Variants in ASGR2 observed in about 807,000 individuals in gnomAD.
The protein encoded by ASGR2 is asialoglycoprotein receptor 2, also known as C-type lectin domain family 4 member H2.
A neutral mutation model predicts 32.3 loss-of-function variants in ASGR2; 34 were observed. The ratio of observed to expected loss-of-function variants is 1.05; its 90% confidence interval spans 0.80 to 1.40. ASGR2 has a LOEUF of 1.40. ASGR2 is among the 40% of genes most tolerant of loss of function. ASGR2 has a pLI of 0.00. For missense variants in ASGR2, 385 were observed against 386.4 expected (o/e 1.00, Z 0.03); for synonymous variants, 143 against 150.0 (o/e 0.95, Z 0.34).
At chr17:7,106,173 G>A (rs796529106) in intron 7 of ASGR2, among the ~76,000 whole-genome samples, 5 of 152,196 alleles carry the variant, frequency 3.3e-5, no homozygotes, top group African/African-American at 1.2e-4. Context: ...TCAAGACTGA[G>A]AATCATTAAT....
chr17:7,104,605 C>T (rs1283856901), intron 7 of ASGR2, among the ~76,000 whole-genome samples: 4 of 151,916 alleles, frequency 2.6e-5, no homozygotes, highest in East Asian at 1.9e-4. Context: ...GAGTCGAGAT[C>T]GTGTCACTGC....
Position 7,108,831 on chromosome 17 carries a change from A to G in ASGR2, c.182T>C (p.Leu61Pro). The change falls in exon 3 of 9, where the codon CTG becomes CCG. Residue 61 changes from leucine to proline, a missense_variant. Physicochemically the swap from Leu to Pro is moderately conservative, Grantham distance 98. Transcript: ENST00000691900. This position sits in a 1 kb window ranked among gnomAD's most constrained non-coding sequence, Gnocchi z 4.9. ...CAGGATGTTGAAGCTCAGGGCAAGC[A>G]GACTGAAGCAGACCATGGAGCAGAG... ...QRLCSMVCFS[L>P]LALSFNILLL... 1 of 1,613,594 alleles carries G rather than the reference A, an allele frequency of 6.2e-7. No individual in the cohort carries two copies. Among genetic ancestry groups the G allele is most frequent in the Non-Finnish European group, 8.5e-7 (1 of 1,179,774 alleles).
rs1913846101 is a variant in ASGR2 at position 7,107,154 on chromosome 17, G to C, written c.497-3C>G. 1.2e-6 allele frequency: 2 copies of C among 1,614,086 alleles called. No individual in the cohort carries two copies. The highest frequency in any genetic ancestry group is 1.3e-5 in the African/African-American group (1 of 74,936). The stretch of plus-strand genomic sequence containing the variant: ...GGGGCAGCAGGTCCTTTGGGAGCCT[G>C]AGGGGACAGGGGGCAGGGAGATGAG... On this transcript the variant is annotated splice_polypyrimidine_tract_variant and splice_region_variant and intron_variant, in intron 6 of 8. Coordinates refer to ENST00000691900, the MANE Select transcript of ASGR2 (RefSeq NM_001201352.2). This position sits in a 1 kb window ranked among gnomAD's most constrained non-coding sequence, Gnocchi z 5.0.
chr17:7,107,851 G>A lies in ASGR2; in HGVS notation c.394C>T (p.Gln132Ter), dbSNP rs1272344718. Residue 132 changes from glutamine (Q) to a stop codon, truncating the protein, a stop_gained, in exon 5 of 9, where the codon CAG (glutamine) becomes TAG (stop). Coordinates refer to ENST00000691900, the MANE Select transcript of ASGR2 (RefSeq NM_001201352.2). LOFTEE classifies it high-confidence loss of function. This position sits in a 1 kb window ranked among gnomAD's most constrained non-coding sequence, Gnocchi z 5.0. The stretch of plus-strand genomic sequence containing the variant: ...GCTCTCTGACCTGCTTTCAGGTCCT[G>A]CTGCTGTTTCTCCAGCTTGGCTCCT... ...SLGAKLEKQQ[Q>*]DLKADHDALL... is the part of the protein sequence containing the mutation. 3 of 1,614,138 alleles carry A rather than the reference G, an allele frequency of 1.9e-6. No individual in the cohort carries two copies. Among genetic ancestry groups the A allele is most frequent in the Admixed American group, 1.7e-5 (1 of 60,018 alleles).
rs150267416 is a variant in ASGR2 at position 7,113,135 on chromosome 17, T to TA, written c.124+981dup. ...GATCCTGCCACTACACTCCTGTCTC[T>TA]AAAAAAAAAATGTCCAAGATACTTA... On this transcript the variant is annotated intron_variant, in intron 2 of 8. Transcript: ENST00000691900. The surrounding 1 kb of genome is among the most constrained non-coding windows in gnomAD (Gnocchi z 5.1). 2.8e-4 allele frequency among the ~76,000 whole-genome samples: 41 copies of TA among 148,034 alleles called. No homozygotes were observed. The highest frequency in any genetic ancestry group is 7.6e-4 in the African/African-American group (31 of 40,532).
In ASGR2 at chr17:7,108,907, AGGAGCCGGCAGCCTGGGTGTGG is replaced by A; in HGVS notation, c.125-41_125-20del. The A allele has an allele frequency of 6.5e-7, 1 of 1,544,170 alleles. No homozygotes were observed. The highest frequency in any genetic ancestry group is 8.7e-7 in the Non-Finnish European group (1 of 1,143,584). ...GGTGGCCCTGTGGGAGAGGGGCATC[AGGAGCCGGCAGCCTGGGTGTGG>A]GGAGCCGGAGGGTAAAGACAGGGCA... On this transcript the variant is annotated intron_variant, in intron 2 of 8. Transcript: ENST00000691900. The surrounding 1 kb of genome is among the most constrained non-coding windows in gnomAD (Gnocchi z 4.9).
intron 7 of ASGR2, among the ~76,000 whole-genome samples, chr17:7,105,367 C>CA (rs1222616721): frequency 1.3e-5 from 2 of 152,144 alleles, no homozygotes; most frequent in African/African-American, 2.4e-5. Context: ...TTTTAAACAT[C>CA]AAAAACAAAA....
rs766538747 is a variant in ASGR2 at position 7,107,080 on chromosome 17, C to T, written c.568G>A (p.Gly190Arg). 4.0e-5 allele frequency: 65 copies of T among 1,614,016 alleles called. No homozygotes were observed. Among genetic ancestry groups the T allele is most frequent in the African/African-American group, 1.6e-4 (12 of 74,902 alleles). ...TTCTCCGCCTCAGCCCAGGCCTTCCCGGAGTGAGAGAACCAGTAGCAGCTG... is the reference window on the plus strand; with the variant it reads ...TTCTCCGCCTCAGCCCAGGCCTTCCTGGAGTGAGAGAACCAGTAGCAGCTG... ...QGSCYWFSHS[G>R]KAWAEAEKYC... Residue 190 changes from glycine (G) to arginine (R), a missense_variant, in exon 7 of 9, where the codon GGG becomes AGG. Gly to Arg is a moderately radical substitution (Grantham distance 125). Coordinates refer to ENST00000691900, the MANE Select transcript of ASGR2 (RefSeq NM_001201352.2). The surrounding 1 kb of genome is among the most constrained non-coding windows in gnomAD (Gnocchi z 5.0).
intron 7 of ASGR2, among the ~76,000 whole-genome samples, chr17:7,105,705 T>C (rs1913573458): frequency 6.6e-6 from 1 of 151,724 alleles, no homozygotes; most frequent in South Asian, 2.1e-4. Context: ...AAAAAACCTA[T>C]ATAGGAGAAA....
intron 2 of ASGR2, among the ~76,000 whole-genome samples, 162 bp from the exon 3 acceptor site, chr17:7,109,050 C>T (rs1914284035): frequency 6.6e-6 from 1 of 151,956 alleles, no homozygotes; most frequent in African/African-American, 2.4e-5. Flanking sequence ...GAGCATTACA[C>T]ACACACTCTT....
intron 2 of ASGR2, among the ~76,000 whole-genome samples, chr17:7,110,855 A>G (rs375412737): frequency 1.3e-4 from 20 of 152,302 alleles, no homozygotes; most frequent in African/African-American, 4.6e-4. Flanking sequence ...ATAAGAAGCA[A>G]ACAACAGGAA....
chr17:7,106,161 A>G (rs1913650954), intron 7 of ASGR2, among the ~76,000 whole-genome samples: 1 of 152,188 alleles, frequency 6.6e-6, no homozygotes, highest in Admixed American at 6.5e-5. Flanking sequence ...TGCAATGTAC[A>G]GTCAAGACTG....
Position 7,108,900 on chromosome 17 carries a change from G to T in ASGR2, c.125-12C>A. The stretch of plus-strand genomic sequence containing the variant: ...GGCAGGAGGTGGCCCTGTGGGAGAG[G>T]GGCATCAGGAGCCGGCAGCCTGGGT... On this transcript the variant is annotated splice_polypyrimidine_tract_variant and intron_variant, in intron 2 of 8. Transcript: ENST00000691900. This position sits in a 1 kb window ranked among gnomAD's most constrained non-coding sequence, Gnocchi z 4.9. The T allele has an allele frequency of 6.4e-7, 1 of 1,564,790 alleles. No individual in the cohort carries two copies. Among genetic ancestry groups the T allele is most frequent in the South Asian group, 1.2e-5 (1 of 85,396 alleles).
intron 8 of ASGR2, 80 bp downstream of exon 8, chr17:7,102,010 G>C: frequency 7.1e-7 from 1 of 1,407,446 alleles, no homozygotes. Flanking sequence ...TGAGGGACGA[G>C]TCAGGGTAGC....
At chr17:7,105,930 A>G (rs1913609735) in intron 7 of ASGR2, among the ~76,000 whole-genome samples, 1 of 151,852 alleles carries the variant, frequency 6.6e-6, no homozygotes, top group Non-Finnish European at 1.5e-5. Context: ...CTGGGATTAC[A>G]GGCACCCGCC....
At chr17:7,105,158 A>G (rs1913482014) in intron 7 of ASGR2, among the ~76,000 whole-genome samples, 1 of 152,096 alleles carries the variant, frequency 6.6e-6, no homozygotes, top group South Asian at 2.1e-4. Flanking sequence ...TATACAAGTA[A>G]TCACTGGAAT....
chr17:7,109,209 C>T (rs1444197956), intron 2 of ASGR2, among the ~76,000 whole-genome samples: 2 of 150,948 alleles, frequency 1.3e-5, no homozygotes, highest in African/African-American at 2.4e-5. Context: ...GCACAGGGGG[C>T]GGGGGGGCAG....
In ASGR2 at chr17:7,107,351, G is replaced by A; in HGVS notation, c.410-34C>T. On this transcript the variant is annotated intron_variant, in intron 5 of 8. Transcript: ENST00000691900. This position sits in a 1 kb window ranked among gnomAD's most constrained non-coding sequence, Gnocchi z 5.0. The stretch of plus-strand genomic sequence containing the variant: ...GACAGGCTGAAAGTGCTGCCGGCAG[G>A]TGTGGTCCCCACCTGCTAGGCTCCA... The A allele has an allele frequency of 1.2e-6, 2 of 1,604,422 alleles. No individual in the cohort carries two copies. The highest frequency in any genetic ancestry group is 1.7e-6 in the Non-Finnish European group (2 of 1,177,776).
chr17:7,103,374 G>C (rs570088018), intron 7 of ASGR2, among the ~76,000 whole-genome samples: 1 of 152,202 alleles, frequency 6.6e-6, no homozygotes, highest in South Asian at 2.1e-4. Flanking sequence ...AGGAGTCAAC[G>C]GAGTTGGAGA....
Sources: gnomAD v4.1 joint callset for allele counts (sites outside exome capture counted in the v4.1 genomes callset) on GRCh38, gnomAD v4.1.1 for gene constraint, Gnocchi (gnomAD v3.1) non-coding constraint, MANE v1.5 for transcripts, NCBI Gene and HGNC (gene_info 2026-07-23, HGNC 2026-07-21) for gene names.